NUP205: variants seen among roughly 807,000 people sequenced by gnomAD.
NUP205 encodes the protein nuclear pore complex protein Nup205.
A neutral mutation model predicts 253.8 loss-of-function variants in NUP205; 76 were observed. The observed-to-expected ratio is 0.30, with a 90% CI of 0.25 to 0.36. The LOEUF (loss-of-function observed/expected upper bound fraction) is 0.36, where lower values mean the gene tolerates loss of function less well. Among genes scored for constraint, NUP205 ranks in the 10% least tolerant of loss-of-function variants. The pLI is 1.00. For missense variants in NUP205, 2,162 were observed against 2,425.5 expected (o/e 0.89, Z 2.28); for synonymous variants, 832 against 850.1 (o/e 0.98, Z 0.37).
chr7:135,647,637 A>G (rs1795035124), intron 42 of NUP205, among the ~76,000 whole-genome samples: 1 of 152,224 alleles, frequency 6.6e-6, no homozygotes, highest in East Asian at 1.9e-4. Flanking sequence ...CTCCCGCCTC[A>G]GCATCCTGAG....
chr7:135,638,354 G>T (rs1024925172), intron 37 of NUP205, among the ~76,000 whole-genome samples: 3 of 148,772 alleles, frequency 2.0e-5, no homozygotes, highest in African/African-American at 7.5e-5. Flanking sequence ...GGCAGAGGTT[G>T]TAGTGAGCCA....
intron 15 of NUP205, chr7:135,598,939 A>G (rs1414106547): frequency 2.6e-5 from 4 of 152,270 alleles, no homozygotes; most frequent in East Asian, 3.9e-4. Context: ...ACGTTAGTCT[A>G]TAATACTGTT....
At position 135,614,166 on chromosome 7, in the gene NUP205, A is replaced by T; in HGVS notation, c.3203A>T (p.Tyr1068Phe). 6.4e-7 allele frequency: 1 copy of T among 1,567,514 alleles called. No individual in the cohort carries two copies. Among genetic ancestry groups the T allele is most frequent in the Admixed American group, 1.7e-5 (1 of 59,600 alleles). The change falls in exon 23 of 43, where the codon TAT becomes TTT. Residue 1068 changes from tyrosine (Y) to phenylalanine (F), a missense_variant. Physicochemically the swap from Tyr to Phe is conservative, Grantham distance 22 (BLOSUM62 3). This residue lies in a region of NUP205 where 1,144 missense variants were observed against 1,280.9 expected (regional missense o/e 0.89). Coordinates refer to ENST00000285968, the MANE Select transcript of NUP205 (RefSeq NM_015135.3). ...CTTACTTTAATGCTTTAGGTCATAT[A>T]TCAGTTATGTGCATGCTCTGATACA... The part of the protein sequence containing the change: ...QLAELCYQVI[Y>F]QLCACSDTSG...
At chr7:135,630,284 T>C in intron 34 of NUP205, 60 bp from the exon 35 acceptor site, 2 of 1,279,524 alleles carry the variant, frequency 1.6e-6, no homozygotes, top group Non-Finnish European at 2.1e-6. Flanking sequence ...ATTATGCATT[T>C]ATATATAATT....
At position 135,584,907 on chromosome 7, in the gene NUP205, T is replaced by C. The variant is rs58392569; in HGVS notation, c.1118T>C (p.Met373Thr). The part of the protein sequence containing the change: ...AIADNVFLFL[M>T]ESVVVSEYFY... The stretch of plus-strand genomic sequence containing the variant: ...GCTGACAACGTTTTCCTGTTCCTCA[T>C]GGAATCTGTAGTGGTATCAGAATAC... The change falls in exon 8 of 43, where the codon ATG becomes ACG. Residue 373 changes from methionine to threonine, a missense_variant. Physicochemically the swap from Met to Thr is moderately conservative, Grantham distance 81. Coordinates refer to ENST00000285968, the MANE Select transcript of NUP205 (RefSeq NM_015135.3). The C allele has an allele frequency of 0.04, 64,048 of 1,613,688 alleles. 1,478 individuals are homozygous for C. The highest frequency in any genetic ancestry group is 0.078 in the Middle Eastern group (474 of 6,056).
At chr7:135,641,706 A>C (rs1008363531) in intron 38 of NUP205, among the ~76,000 whole-genome samples, 4 of 151,686 alleles carry the variant, frequency 2.6e-5, no homozygotes, top group African/African-American at 9.7e-5. Context: ...CAGGAGGTTG[A>C]GGTGGATCAC....
In NUP205 at chr7:135,625,301, A is replaced by T. The variant is rs746930176; in HGVS notation, c.4617A>T (p.Leu1539Phe). Residue 1539 changes from leucine (L) to phenylalanine (F), a missense_variant, in exon 32 of 43, where the codon TTA becomes TTT. Around this residue, in one of 5 missense-constraint regions of NUP205, gnomAD observed 1,144 missense variants for 1,280.9 expected, o/e 0.89. Transcript: ENST00000285968. ...AAGATGACCGTACTTTGCAGAGCTTACTCACCCCACAGCCTCCCCTTTTAA... is the reference window on the plus strand; with the variant it reads ...AAGATGACCGTACTTTGCAGAGCTTTCTCACCCCACAGCCTCCCCTTTTAA... ...LVEDDRTLQS[L>F]LTPQPPLLKA... 2 of 1,613,828 alleles carry T rather than the reference A, an allele frequency of 1.2e-6. No homozygotes were observed. Among genetic ancestry groups the T allele is most frequent in the Non-Finnish European group, 8.5e-7 (1 of 1,179,924 alleles).
At chr7:135,576,679 T>C (rs115282672) in intron 4 of NUP205, among the ~76,000 whole-genome samples, 5,079 of 152,240 alleles carry the variant, frequency 0.033, 112 homozygotes, top group Middle Eastern at 0.1. Context: ...CTCAGGAGTT[T>C]TAGATCAGCC....
Position 135,598,076 on chromosome 7 carries a change from G to T in NUP205, c.2143G>T (p.Val715Leu). The stretch of plus-strand genomic sequence containing the variant: ...CTTTTGCCAGCTTATTAGTACTCTG[G>T]TGGAGAGCTCATTTCCTTCTAATTT... ...RAFCQLISTL[V>L]ESSFPSNLGA... Residue 715 changes from valine (V) to leucine (L), a missense_variant, in exon 15 of 43, where the codon GTG becomes TTG. This residue lies in a region of NUP205 where 892 missense variants were observed against 957.1 expected (regional missense o/e 0.93). Coordinates refer to ENST00000285968, the MANE Select transcript of NUP205 (RefSeq NM_015135.3). 4 of 1,614,080 alleles carry T rather than the reference G, an allele frequency of 2.5e-6. No individual in the cohort carries two copies. The highest frequency in any genetic ancestry group is 2.5e-6 in the Non-Finnish European group (3 of 1,179,974).
chr7:135,558,588 C>T (rs1314964380), intron 1 of NUP205, among the ~76,000 whole-genome samples: 1 of 152,152 alleles, frequency 6.6e-6, no homozygotes, highest in Non-Finnish European at 1.5e-5. Flanking sequence ...AGTAAAGGAA[C>T]TCTGGAAGAT....
intron 36 of NUP205, among the ~76,000 whole-genome samples, chr7:135,635,910 T>C (rs1156668466): frequency 2.0e-5 from 3 of 152,178 alleles, no homozygotes; most frequent in Non-Finnish European, 2.9e-5. Context: ...CATCATACAA[T>C]GTATACATTT....
intron 16 of NUP205, 69 bp downstream of exon 16, chr7:135,601,038 T>C: frequency 1.3e-6 from 1 of 765,010 alleles, no homozygotes; most frequent in South Asian, 1.9e-5. Flanking sequence ...GGCTATGTTA[T>C]ATATAAATTA....
intron 13 of NUP205, 180 bp from the exon 14 acceptor site, chr7:135,597,188 T>C (rs563112173): frequency 6.5e-5 from 31 of 475,320 alleles, no homozygotes; most frequent in Non-Finnish European, 1.2e-4. Context: ...AAAAGTTCTA[T>C]CTCAACCTGG....
chr7:135,627,293 C>A (rs1437212092), intron 33 of NUP205, among the ~76,000 whole-genome samples: 1 of 152,180 alleles, frequency 6.6e-6, no homozygotes, highest in Non-Finnish European at 1.5e-5. Flanking sequence ...AGTGATTTTA[C>A]AGCCTCATTT....
At chr7:135,624,777 A>G (rs1006510955) in intron 31 of NUP205, among the ~76,000 whole-genome samples, 9 of 152,242 alleles carry the variant, frequency 5.9e-5, no homozygotes, top group African/African-American at 2.2e-4. Flanking sequence ...CACTGTGCCC[A>G]ACCTAGTTAT....
At chr7:135,621,884 C>A (rs891191733) in intron 30 of NUP205, among the ~76,000 whole-genome samples, 9 of 152,008 alleles carry the variant, frequency 5.9e-5, no homozygotes, top group Non-Finnish European at 1.3e-4. Context: ...CTCACTGCAA[C>A]CTCCACCTCC....
chr7:135,596,277 C>T (rs931963923), intron 13 of NUP205, among the ~76,000 whole-genome samples: 1 of 152,184 alleles, frequency 6.6e-6, no homozygotes, highest in Non-Finnish European at 1.5e-5. Flanking sequence ...AGATTATTTT[C>T]TGACATACAT....
intron 36 of NUP205, 64 bp from the exon 37 acceptor site, chr7:135,637,867 A>G (rs999458073): frequency 6.2e-6 from 9 of 1,458,788 alleles, no homozygotes; most frequent in African/African-American, 1.4e-5. Context: ...TCTTGTTTCT[A>G]TCCCTCAAGA....
chr7:135,591,588 G>A lies in NUP205; in HGVS notation c.1612G>A (p.Gly538Ser). 6.2e-7 allele frequency: 1 copy of A among 1,611,718 alleles called. No individual in the cohort carries two copies. The highest frequency in any genetic ancestry group is 1.1e-5 in the South Asian group (1 of 90,352). ...CTGTTTCAGCCTGCTCAAAGTCAATGGTAGTAGTCATGGTAAGGAATATGT... is the reference window on the plus strand; with the variant it reads ...CTGTTTCAGCCTGCTCAAAGTCAATAGTAGTAGTCATGGTAAGGAATATGT... Reference protein sequence around the residue: ...HYCFSLLKVNGSSHVENIQGA... With the variant: ...HYCFSLLKVNSSSHVENIQGA... The change falls in exon 11 of 43, where the codon GGT becomes AGT. Residue 538 changes from glycine (G) to serine (S), a missense_variant. Around this residue, in one of 5 missense-constraint regions of NUP205, gnomAD observed 892 missense variants for 957.1 expected, o/e 0.93. Transcript: ENST00000285968.
Sources: gnomAD v4.1 joint callset for allele counts (sites outside exome capture counted in the v4.1 genomes callset) on GRCh38, gnomAD v4.1.1 for gene constraint, gnomAD v4.1.1 regional missense constraint, MANE v1.5 for transcripts, NCBI Gene and HGNC (gene_info 2026-07-23, HGNC 2026-07-21) for gene names.